GSE1: variants seen among roughly 807,000 people sequenced by gnomAD.
GSE1 encodes the protein Gse1 coiled-coil protein.
Under a neutral mutation model 112.6 loss-of-function variants are expected in GSE1, and 32 were observed. The ratio of observed to expected loss-of-function variants is 0.28; its 90% CI spans 0.21 to 0.38. The LOEUF (loss-of-function observed/expected upper bound fraction) is 0.38. Among genes scored for constraint, GSE1 ranks in the 10% least tolerant of loss-of-function variants. The pLI, the probability that GSE1 is intolerant of heterozygous loss-of-function variation, is 1.00. For synonymous variants in GSE1, 1,115 were observed against 735.6 expected, an observed-to-expected ratio of 1.52 and a Z score of -8.35; for missense variants, 2,348 against 1,699.2, an observed-to-expected ratio of 1.38 and a Z score of -6.71.
At position 85,665,134 on chromosome 16, in the gene GSE1, G is replaced by A. The variant is rs1166375427; in HGVS notation, c.2758+6G>A. ...TCCTGCCGTCTCCCTGAGTGGTAAGGGAAGGATAGCCCCACCTGCCACCAC... is the reference window on the plus strand; with the variant it reads ...TCCTGCCGTCTCCCTGAGTGGTAAGAGAAGGATAGCCCCACCTGCCACCAC... On this transcript the variant is annotated splice_donor_region_variant and intron_variant, in intron 12 of 15. Coordinates refer to ENST00000253458, the MANE Select transcript of GSE1 (RefSeq NM_014615.5). 2 of 1,560,422 alleles carry A rather than the reference G, an allele frequency of 1.3e-6. No individual in the cohort carries two copies. Among genetic ancestry groups the A allele is most frequent in the Non-Finnish European group, 8.8e-7 (1 of 1,132,092 alleles).
rs961645062 is a variant in GSE1 at position 85,605,667 on chromosome 16, G to C, written c.38-42885G>C. On this transcript the variant is annotated intron_variant, in intron 1 of 2. Coordinates refer to the GSE1 transcript ENST00000635906. The stretch of plus-strand genomic sequence containing the variant: ...CCATCCTCCCCCTGCACCCCCGGGG[G>C]GGCCACCGGCTGTGCTCTCCAAAGC... Among the ~76,000 whole-genome samples the C allele has an allele frequency of 7.2e-5, 11 of 151,862 alleles. 1 individual carries two copies. Among genetic ancestry groups the C allele is most frequent in the African/African-American group, 2.2e-4 (9 of 41,206 alleles).
rs1423765770 is a variant in GSE1 at position 85,311,589 on chromosome 16, T to C, written c.2284-45874T>C. Among the ~76,000 whole-genome samples, 1 of 151,792 alleles carries C rather than the reference T, an allele frequency of 6.6e-6. No individual in the cohort carries two copies. Among genetic ancestry groups the C allele is most frequent in the Non-Finnish European group, 1.5e-5 (1 of 67,958 alleles). ...GGATTCTTCTCTTCCCTCCTTGGGG[T>C]ACTCCATGGGCTTCTGCTTCGGTGC... On this transcript the variant is annotated intron_variant, in intron 1 of 2. Coordinates refer to the GSE1 transcript ENST00000637419. The surrounding 1 kb of genome is among the most constrained non-coding windows in gnomAD (Gnocchi z 4.2).
intron 1 of GSE1, 25 bp from the exon 2 acceptor site, chr16:85,633,889 T>C: frequency 6.3e-7 from 1 of 1,587,398 alleles, no homozygotes; most frequent in Non-Finnish European, 8.6e-7. Context: ...CTGGGTGACC[T>C]CTGGTTCTTC....
intron 2 of GSE1, among the ~76,000 whole-genome samples, chr16:85,418,268 C>T (rs1387903277): frequency 2.6e-5 from 4 of 152,246 alleles, no homozygotes; most frequent in Non-Finnish European, 4.4e-5. Context: ...GCCATGAAGC[C>T]AGTAACATGC....
chr16:85,382,164 A>G (rs188488460), intron 2 of GSE1, among the ~76,000 whole-genome samples: 29 of 152,214 alleles, frequency 1.9e-4, no homozygotes, highest in African/African-American at 6.3e-4. Context: ...CTGGCCACAC[A>G]TCGCTGCTGG....
chr16:85,636,739 C>A (rs766549965), intron 2 of GSE1, among the ~76,000 whole-genome samples: 1 of 152,210 alleles, frequency 6.6e-6, no homozygotes, highest in Non-Finnish European at 1.5e-5. Flanking sequence ...CTGGTGGTCC[C>A]GGCGGTCCCT....
intron 14 of GSE1, among the ~76,000 whole-genome samples, chr16:85,669,320 T>C (rs1407995218): frequency 6.6e-6 from 1 of 152,196 alleles, no homozygotes; most frequent in African/African-American, 2.4e-5. Context: ...TCATCACATA[T>C]GACAGTGTTG....
At chr16:85,635,292 C>T (rs2049896967) in intron 2 of GSE1, among the ~76,000 whole-genome samples, 1 of 152,114 alleles carries the variant, frequency 6.6e-6, no homozygotes. Context: ...GTTTCCGTAC[C>T]ACCAGGGGGC....
intron 2 of GSE1, among the ~76,000 whole-genome samples, chr16:85,646,807 GAACCCC>G (rs1463221882): frequency 6.6e-6 from 1 of 151,470 alleles, no homozygotes; most frequent in Admixed American, 6.6e-5. Flanking sequence ...AGAGCTTCTG[GAACCCC>G]AGGCCCAGGC....
At chr16:85,294,262 G>A (rs563857963) in intron 1 of GSE1, among the ~76,000 whole-genome samples, 20 of 152,286 alleles carry the variant, frequency 1.3e-4, no homozygotes, top group African/African-American at 4.8e-4. Flanking sequence ...TATGGCTCCA[G>A]TCAGAGTCCA....
At chr16:85,379,493 T>C (rs763453942) in intron 2 of GSE1, among the ~76,000 whole-genome samples, 5 of 152,118 alleles carry the variant, frequency 3.3e-5, no homozygotes, top group South Asian at 2.1e-4. Context: ...CCCTGGAACA[T>C]AGTAGGTGCT....
chr16:85,610,407 A>AGAG (rs1033825582), upstream of GSE1, among the ~76,000 whole-genome samples: 22 of 152,232 alleles, frequency 1.4e-4, no homozygotes, highest in African/African-American at 5.1e-4. Context: ...TTAGGAAGAG[A>AGAG]GAGGAGGAGG....
At chr16:85,610,097 C>T (rs772738022), upstream of GSE1, among the ~76,000 whole-genome samples, 5 of 152,194 alleles carry the variant, frequency 3.3e-5, no homozygotes, top group Non-Finnish European at 7.3e-5. Flanking sequence ...GCCTGCCTTC[C>T]GCTCTTGGAG....
intron 2 of GSE1, among the ~76,000 whole-genome samples, chr16:85,486,546 A>G (rs1248260992): frequency 1.3e-5 from 2 of 152,204 alleles, no homozygotes; most frequent in African/African-American, 2.4e-5. Flanking sequence ...CAGGATTCCA[A>G]ACTGATAAGG....
At chr16:85,297,749 G>T (rs748423641) in intron 1 of GSE1, among the ~76,000 whole-genome samples, 1 of 152,150 alleles carries the variant, frequency 6.6e-6, no homozygotes, top group Non-Finnish European at 1.5e-5. Context: ...GGCCTCAAGG[G>T]ATCCTCCCAC....
intron 2 of GSE1, among the ~76,000 whole-genome samples, chr16:85,515,991 A>G (rs1004017074): frequency 3.9e-5 from 6 of 152,038 alleles, no homozygotes; most frequent in Non-Finnish European, 8.8e-5. Context: ...GGCAGAGAGG[A>G]GATGGCAGGA....
chr16:85,334,058 A>C (rs573494471), intron 1 of GSE1, among the ~76,000 whole-genome samples: 1 of 152,266 alleles, frequency 6.6e-6, no homozygotes, highest in African/African-American at 2.4e-5. Context: ...TGCTTTCCTC[A>C]GACCCGCTCC....
In GSE1 at chr16:85,655,713, C is replaced by A. The variant is rs373629509; in HGVS notation, c.798-13C>A. ...GTTCATTTGCTGCTCACAGCCCCGT[C>A]TTCTCTGCACAGGATGGACGACTCC... On this transcript the variant is annotated splice_polypyrimidine_tract_variant and intron_variant, in intron 5 of 15. Transcript: ENST00000253458. The A allele has an allele frequency of 6.4e-7, 1 of 1,571,316 alleles. No homozygotes were observed. Among genetic ancestry groups the A allele is most frequent in the Non-Finnish European group, 8.7e-7 (1 of 1,154,614 alleles).
At chr16:85,369,895 G>C (rs1464764821) in intron 2 of GSE1, among the ~76,000 whole-genome samples, 2 of 152,318 alleles carry the variant, frequency 1.3e-5, no homozygotes, top group African/African-American at 4.8e-5. Flanking sequence ...TTCTGCAGGG[G>C]CAAACTGGGC....
Sources: allele counts gnomAD v4.1 joint callset (sites outside exome capture counted in the v4.1 genomes callset), GRCh38; gene constraint gnomAD v4.1.1; non-coding constraint Gnocchi (gnomAD v3.1); transcripts MANE v1.5; gene names NCBI Gene and HGNC (gene_info 2026-07-23, HGNC 2026-07-21).